Variants in EIF3A observed in about 807,000 individuals in gnomAD.
EIF3A encodes the protein eukaryotic translation initiation factor 3 subunit A.
EIF3A carries 21 observed loss-of-function variants against 186.6 expected under a neutral mutation model. The observed-to-expected ratio is 0.11, with a 90% CI of 0.08 to 0.16. EIF3A has a LOEUF of 0.16. Among genes scored for constraint, EIF3A ranks in the 10% least tolerant of loss-of-function variants. The pLI is 1.00. For synonymous variants in EIF3A, 563 were observed against 584.3 expected (o/e 0.96, Z 0.52); for missense variants, 1,306 against 1,796.3 (o/e 0.73, Z 4.93).
intron 21 of EIF3A, 26 bp downstream of exon 21, chr10:119,037,093 A>C: frequency 3.0e-6 from 2 of 675,022 alleles, no homozygotes; most frequent in South Asian, 1.6e-5. Flanking sequence ...GTTCTCCAAT[A>C]CTTCAGTTGT....
Position 119,035,944 on chromosome 10 carries a change from G to T in EIF3A, c.*95C>A. 2.2e-6 allele frequency: 2 copies of T among 910,100 alleles called. No homozygotes were observed. Among genetic ancestry groups the T allele is most frequent in the Non-Finnish European group, 3.5e-6 (2 of 573,812 alleles). 56.4% of individuals were successfully genotyped at this position (910,100 alleles called of 1,614,324 possible). On this transcript the variant is annotated 3_prime_UTR_variant, in exon 22 of 22. Transcript: ENST00000369144. Reference sequence around the variant, plus strand: ...TGTGTTATGGTGAAACAACATTAAAGAATCCAATTTAGATTGGTTGAAGCA... The same window carrying T: ...TGTGTTATGGTGAAACAACATTAAATAATCCAATTTAGATTGGTTGAAGCA...
At chr10:119,038,871 G>A (rs991797555) in intron 19 of EIF3A, among the ~76,000 whole-genome samples, 1 of 152,082 alleles carries the variant, frequency 6.6e-6, no homozygotes, top group African/African-American at 2.4e-5. Flanking sequence ...GCTGCAGTGA[G>A]CCAAGATAGT....
Position 119,050,610 on chromosome 10 carries a change from T to G in EIF3A, c.2384A>C (p.Lys795Thr), listed in dbSNP as rs747737267. The change falls in exon 16 of 22, where the codon AAA (lysine) becomes ACA (threonine). Residue 795 changes from lysine (K) to threonine (T), a missense_variant. Transcript: ENST00000369144. ...EERHNRLEER[K>T]RQRKEERRIT... ...CCTGCGTTCTTCTTTACGCTGCCTT[T>G]TCCGTTCTTCCAATCGATTATGCCT... 25 of 1,614,000 alleles carry G rather than the reference T, an allele frequency of 1.5e-5. No individual in the cohort carries two copies. Among genetic ancestry groups the G allele is most frequent in the Non-Finnish European group, 2.1e-5 (25 of 1,180,016 alleles).
chr10:119,065,737 G>A (rs1229331343), intron 6 of EIF3A, among the ~76,000 whole-genome samples, 167 bp from the exon 7 acceptor site: 1 of 152,210 alleles, frequency 6.6e-6, no homozygotes, highest in Non-Finnish European at 1.5e-5. Context: ...GGGAGTAAGA[G>A]AAATGGGCTG....
chr10:119,041,619 GGCAAAAATAAATATATA>G (rs1747164899), intron 19 of EIF3A, among the ~76,000 whole-genome samples: 1 of 152,058 alleles, frequency 6.6e-6, no homozygotes, highest in African/African-American at 2.4e-5. Context: ...TCTCTCAGTT[GGCAAAAATAAATATATA>G]AAGTACATTT....
intron 4 of EIF3A, among the ~76,000 whole-genome samples, chr10:119,071,767 TG>T (rs1490459851): frequency 6.6e-6 from 1 of 152,202 alleles, no homozygotes; most frequent in Non-Finnish European, 1.5e-5. Context: ...GGCTCACGCC[TG>T]TAATCCCAGC....
chr10:119,039,876 T>C lies in EIF3A; in HGVS notation c.3527-1437A>G, dbSNP rs562947905. Among the ~76,000 whole-genome samples the C allele has an allele frequency of 1.3e-3, 192 of 152,304 alleles. 4 individuals are homozygous for C. In the South Asian group the frequency reaches 0.019, roughly 15 times the overall value. Reference sequence around the variant, plus strand: ...ACATAAAAGACATTTTATGTATTGATTGGTTGACAAAAATATCATGACTAG... The same window carrying C: ...ACATAAAAGACATTTTATGTATTGACTGGTTGACAAAAATATCATGACTAG... On this transcript the variant is annotated intron_variant, in intron 19 of 21. Transcript: ENST00000369144.
chr10:119,069,212 T>TA (rs34087038), intron 6 of EIF3A, among the ~76,000 whole-genome samples: 1 of 152,052 alleles, frequency 6.6e-6, no homozygotes, highest in Non-Finnish European at 1.5e-5. Flanking sequence ...TTGAGACGTC[T>TA]TAATAGTCAC....
chr10:119,064,096 C>T (rs1333790177), intron 7 of EIF3A, among the ~76,000 whole-genome samples: 1 of 152,056 alleles, frequency 6.6e-6, no homozygotes, highest in South Asian at 2.1e-4. Context: ...AACAACAACA[C>T]GTCTTAGGCT....
chr10:119,070,032 T>C (rs901496249), intron 5 of EIF3A, among the ~76,000 whole-genome samples: 5 of 152,050 alleles, frequency 3.3e-5, no homozygotes, highest in African/African-American at 1.2e-4. Context: ...TTTTCTATAA[T>C]GGGCATGTTT....
intron 19 of EIF3A, among the ~76,000 whole-genome samples, chr10:119,041,310 G>A (rs1055549252): frequency 2.0e-5 from 3 of 152,170 alleles, no homozygotes; most frequent in African/African-American, 4.8e-5. Flanking sequence ...CCTCACACCC[G>A]TTATCCCAGC....
At chr10:119,050,042 C>T in intron 16 of EIF3A, 57 bp from the exon 17 acceptor site, 1 of 1,524,230 alleles carries the variant, frequency 6.6e-7, no homozygotes, top group Non-Finnish European at 9.0e-7. Context: ...CCCCCTAGTG[C>T]TAGTTCCACT....
chr10:119,061,352 G>GT (rs1843885667), intron 7 of EIF3A, 24 bp from the exon 8 acceptor site: 1 of 1,084,530 alleles, frequency 9.2e-7, no homozygotes, highest in African/African-American at 1.6e-5. Context: ...AACAAAAGAT[G>GT]TAACTGCCAA....
In EIF3A at chr10:119,050,585, C is replaced by A. The variant is rs1369738240; in HGVS notation, c.2409G>T (p.Arg803Ser). ...ERKRQRKEER[R>S]ITYYREKEEE... ...CTTCTTTTTCTCTATAGTATGTTAT[C>A]CTGCGTTCTTCTTTACGCTGCCTTT... The change falls in exon 16 of 22, where the codon AGG becomes AGT. Residue 803 changes from arginine (R) to serine (S), a missense_variant. Physicochemically the swap from Arg to Ser is moderately radical, Grantham distance 110. Around this residue, in one of 8 missense-constraint regions of EIF3A, gnomAD observed 410 missense variants for 473.5 expected, o/e 0.87. Coordinates refer to ENST00000369144, the MANE Select transcript of EIF3A (RefSeq NM_003750.4). The A allele has an allele frequency of 6.2e-7, 1 of 1,614,044 alleles. No individual in the cohort carries two copies. The highest frequency in any genetic ancestry group is 1.7e-5 in the Admixed American group (1 of 60,016).
chr10:119,059,990 T>C, intron 9 of EIF3A: 1 of 529,316 alleles, frequency 1.9e-6, no homozygotes, highest in South Asian at 1.5e-5. Context: ...ACCGAATATA[T>C]TTAAACACTT....
chr10:119,047,473 G>T (rs1848295793), intron 17 of EIF3A, among the ~76,000 whole-genome samples: 1 of 152,096 alleles, frequency 6.6e-6, no homozygotes, highest in Admixed American at 6.6e-5. Flanking sequence ...TGGGCAAGGG[G>T]GTGAGGCATA....
At chr10:119,063,086 C>T (rs1447514525) in intron 7 of EIF3A, among the ~76,000 whole-genome samples, 3 of 152,074 alleles carry the variant, frequency 2.0e-5, no homozygotes, top group African/African-American at 4.8e-5. Flanking sequence ...CGTGGATTAT[C>T]CTTCCAGTGT....
At chr10:119,072,819 G>C (rs1301160686) in intron 4 of EIF3A, 71 bp downstream of exon 4, 2 of 1,517,544 alleles carry the variant, frequency 1.3e-6, no homozygotes, top group African/African-American at 1.4e-5. Flanking sequence ...TTCATTTTAA[G>C]TACTTTTCAG....
intron 1 of EIF3A, among the ~76,000 whole-genome samples, chr10:119,075,603 A>G (rs143997733): frequency 0.024 from 1,169 of 49,742 alleles, 16 homozygotes; most frequent in African/African-American, 0.065. Context: ...GAACTAAAAC[A>G]CTACACTAAA....
Sources: allele counts gnomAD v4.1 joint callset (sites outside exome capture counted in the v4.1 genomes callset), GRCh38; gene constraint gnomAD v4.1.1; regional missense constraint gnomAD v4.1.1; transcripts MANE v1.5; gene names NCBI Gene and HGNC (gene_info 2026-07-23, HGNC 2026-07-21).